The following LMBRD2 variants were observed in gnomAD, a reference collection of about 807,000 sequenced individuals.
LMBRD2 encodes the protein G protein-coupled receptor-associated protein LMBRD2.
Under a neutral mutation model 94.4 loss-of-function variants are expected in LMBRD2, and 55 were observed. The ratio of observed to expected loss-of-function variants is 0.58; its 90% CI spans 0.47 to 0.73. The LOEUF (loss-of-function observed/expected upper bound fraction) is 0.73. Ranked by LOEUF, LMBRD2 falls within the 30% of genes least tolerant of loss-of-function variation. The pLI, the probability that LMBRD2 is intolerant of heterozygous loss-of-function variation, is 0.00. For synonymous variants in LMBRD2, 246 were observed against 272.4 expected (o/e 0.90, Z 0.95); for missense variants, 640 against 831.9 (o/e 0.77, Z 2.84).
intron 6 of LMBRD2, among the ~76,000 whole-genome samples, chr5:36,132,541 AATATTTGTAAACT>A (rs1379726581): frequency 6.6e-6 from 1 of 151,926 alleles, no homozygotes; most frequent in Non-Finnish European, 1.5e-5. Flanking sequence ...AATAGGAGAA[AATATTTGTAAACT>A]ATCTTTCTGA....
At chr5:36,146,947 T>A (rs868793830) in intron 1 of LMBRD2, among the ~76,000 whole-genome samples, 28,888 of 140,334 alleles carry the variant, frequency 0.21, 2,968 homozygotes, top group Non-Finnish European at 0.26. Context: ...TGTGAGTGTG[T>A]GTGTGTGTGT....
chr5:36,142,917 GT>G (rs1243039784), intron 2 of LMBRD2, among the ~76,000 whole-genome samples: 2 of 151,852 alleles, frequency 1.3e-5, no homozygotes, highest in Non-Finnish European at 2.9e-5. Flanking sequence ...AGTAGAGACG[GT>G]GTTTCACCGT....
chr5:36,114,429 A>G lies in LMBRD2; in HGVS notation c.1635T>C (p.Tyr545=), dbSNP rs766080995. Residue 545 remains tyrosine, a synonymous_variant, in exon 13 of 18, where the codon TAT becomes TAC. Transcript: ENST00000296603. Reference sequence around the variant, plus strand: ...AACAATGTTAAGTTTCTTACCTAAAATAAGTAGCAATGCAGAGAATTACCA... The same window carrying G: ...AACAATGTTAAGTTTCTTACCTAAAGTAAGTAGCAATGCAGAGAATTACCA... ...MLVVILCIAT[Y]FSLGTRCLNL... The G allele has an allele frequency of 3.2e-6, 5 of 1,557,628 alleles. No individual in the cohort carries two copies. In the East Asian group the frequency reaches 7.5e-5, roughly 23 times the overall value.
Position 36,099,547 on chromosome 5 carries a change from C to T in LMBRD2, c.*4499G>A, listed in dbSNP as rs2111827097. The stretch of plus-strand genomic sequence containing the variant: ...AGAAATGCAGTTCCAAATTAGTAGG[C>T]TAATAACATTTATGTCAATATCAAC... On this transcript the variant is annotated 3_prime_UTR_variant, in exon 18 of 18. Coordinates refer to ENST00000296603, the MANE Select transcript of LMBRD2 (RefSeq NM_001007527.2). 1 of 152,188 alleles carries T rather than the reference C, an allele frequency of 6.6e-6. No individual in the cohort carries two copies. Among genetic ancestry groups the T allele is most frequent in the Non-Finnish European group, 1.5e-5 (1 of 67,982 alleles). 9.4% of individuals were successfully genotyped at this position (152,188 alleles called of 1,614,324 possible).
Position 36,103,798 on chromosome 5 carries a change from C to A in LMBRD2, c.*248G>T. 3.6e-6 allele frequency: 1 copy of A among 276,216 alleles called. No individual in the cohort carries two copies. 17.1% of individuals were successfully genotyped at this position (276,216 alleles called of 1,614,324 possible). On this transcript the variant is annotated 3_prime_UTR_variant, in exon 18 of 18. Transcript: ENST00000296603. ...TATGTTGATCTTTCTTAAAGTCCTT[C>A]CACTGTAACTGTATTTCTAAGGCAG...
At chr5:36,117,347 G>A (rs930123968) in intron 10 of LMBRD2, among the ~76,000 whole-genome samples, 8 of 152,072 alleles carry the variant, frequency 5.3e-5, no homozygotes, top group Admixed American at 5.2e-4. Context: ...GGATGGTGGT[G>A]CATGGCTGTA....
In LMBRD2 at chr5:36,133,854, A is replaced by G. The variant is rs1744209495; in HGVS notation, c.747+2455T>C. 9.2e-5 allele frequency among the ~76,000 whole-genome samples: 14 copies of G among 152,270 alleles called. No individual in the cohort carries two copies. In the South Asian group the frequency reaches 2.9e-3, roughly 32 times the overall value. Reference sequence around the variant, plus strand: ...CAACAACAAAATCTATTTTATTCAGACAGCAAAGCTTCCTCTAGGGAAAAT... The same window carrying G: ...CAACAACAAAATCTATTTTATTCAGGCAGCAAAGCTTCCTCTAGGGAAAAT... On this transcript the variant is annotated intron_variant, in intron 6 of 17. Coordinates refer to ENST00000296603, the MANE Select transcript of LMBRD2 (RefSeq NM_001007527.2).
At chr5:36,137,798 C>A (rs1744306202) in intron 4 of LMBRD2, among the ~76,000 whole-genome samples, 1 of 151,880 alleles carries the variant, frequency 6.6e-6, no homozygotes, top group South Asian at 2.1e-4. Context: ...TGGTAAGAAG[C>A]AAAAAGGGAG....
At chr5:36,109,854 G>T in intron 15 of LMBRD2, 91 bp downstream of exon 15, 8 of 931,538 alleles carry the variant, frequency 8.6e-6, no homozygotes, top group Admixed American at 4.7e-5. Flanking sequence ...GTTTTTTTCT[G>T]TCTTTAGCTA....
In LMBRD2 at chr5:36,151,033, C is replaced by G. The variant is rs1306036739; in HGVS notation, c.-58+523G>C. On this transcript the variant is annotated intron_variant, in intron 1 of 17. Transcript: ENST00000296603. This position sits in a 1 kb window ranked among gnomAD's most constrained non-coding sequence, Gnocchi z 4.7. ...CCCCCTTCCCTCTTCCACTGTTTTC[C>G]CGGGGTCACAGTTGTAGTATAGTTT... Among the ~76,000 whole-genome samples the G allele has an allele frequency of 6.6e-6, 1 of 152,152 alleles. No individual in the cohort carries two copies. The highest frequency in any genetic ancestry group is 2.4e-5 in the African/African-American group (1 of 41,438).
chr5:36,127,802 G>A (rs1215206524), intron 6 of LMBRD2, among the ~76,000 whole-genome samples: 28 of 152,154 alleles, frequency 1.8e-4, no homozygotes, highest in Non-Finnish European at 4.4e-5. Context: ...TGGCATCTCT[G>A]GACACACCCC....
At chr5:36,122,164 T>A (rs891822272) in intron 9 of LMBRD2, 116 bp downstream of exon 9, 1 of 665,380 alleles carries the variant, frequency 1.5e-6, no homozygotes, top group Non-Finnish European at 2.5e-6. Context: ...TAATATCACA[T>A]GGTATAAATC....
intron 10 of LMBRD2, 88 bp downstream of exon 10, chr5:36,117,647 T>C (rs1561514559): frequency 1.0e-6 from 1 of 978,282 alleles, no homozygotes. Flanking sequence ...ACTGCTTTCA[T>C]TTTTACTAGA....
At chr5:36,117,985 A>G (rs767348662) in intron 9 of LMBRD2, 69 bp from the exon 10 acceptor site, 2 of 1,184,012 alleles carry the variant, frequency 1.7e-6, no homozygotes, top group Non-Finnish European at 2.4e-6. Flanking sequence ...CATTGTTTCA[A>G]AATAGCTCCT....
intron 4 of LMBRD2, among the ~76,000 whole-genome samples, 199 bp from the exon 5 acceptor site, chr5:36,137,640 A>G (rs1008935865): frequency 1.3e-5 from 2 of 152,226 alleles, no homozygotes; most frequent in Non-Finnish European, 2.9e-5. Flanking sequence ...GGGAAAGCAA[A>G]TGGGTCTTTA....
chr5:36,113,997 C>T (rs987200073), intron 13 of LMBRD2, among the ~76,000 whole-genome samples: 6 of 152,120 alleles, frequency 3.9e-5, no homozygotes, highest in African/African-American at 1.4e-4. Context: ...ACCCTTTGTG[C>T]TGGCCATGGT....
chr5:36,114,066 A>G (rs1029606117), intron 13 of LMBRD2, among the ~76,000 whole-genome samples: 1 of 152,196 alleles, frequency 6.6e-6, no homozygotes, highest in African/African-American at 2.4e-5. Context: ...AATTTATGTC[A>G]TTAGAAAAAA....
chr5:36,099,473 C>T lies in LMBRD2; in HGVS notation c.*4573G>A, dbSNP rs1743304252. 6.6e-6 allele frequency: 1 copy of T among 152,018 alleles called. No individual in the cohort carries two copies. Among genetic ancestry groups the T allele is most frequent in the African/African-American group, 2.4e-5 (1 of 41,398 alleles). The allele number at this position is 152,018 out of a possible 1,614,324, so 9.4% of individuals were successfully genotyped here. A position where few individuals can be genotyped will look rare whatever the true frequency, so the allele number is the denominator to read the frequency against. The stretch of plus-strand genomic sequence containing the variant: ...TTAAAAAATATATACACAGTCTCTC[C>T]CCTACAACTTGGTATGCTAAGTACG... On this transcript the variant is annotated 3_prime_UTR_variant, in exon 18 of 18. Transcript: ENST00000296603.
intron 1 of LMBRD2, among the ~76,000 whole-genome samples, chr5:36,146,891 T>A: frequency 6.6e-6 from 1 of 152,058 alleles, no homozygotes; most frequent in African/African-American, 2.4e-5. Context: ...CAAATTAACA[T>A]ATCTATCTCC....
Sources: gnomAD v4.1 joint callset for allele counts (sites outside exome capture counted in the v4.1 genomes callset) on GRCh38, gnomAD v4.1.1 for gene constraint, Gnocchi (gnomAD v3.1) non-coding constraint, MANE v1.5 for transcripts, NCBI Gene and HGNC (gene_info 2026-07-23, HGNC 2026-07-21) for gene names.